The following ZNF827 variants were observed in gnomAD, a reference collection of about 807,000 sequenced individuals.
ZNF827 encodes the protein zinc finger protein 827.
In ZNF827, 13 loss-of-function variants were observed where a neutral mutation model predicts 102.4. The observed-to-expected ratio is 0.13, with a 90% CI of 0.08 to 0.20. The LOEUF is 0.20. Ranked by LOEUF, ZNF827 falls within the 10% of genes least tolerant of loss-of-function variation. The pLI is 1.00. For missense variants in ZNF827, 1,103 were observed against 1,344.4 expected (o/e 0.82, Z 2.81); for synonymous variants, 523 against 536.2 (o/e 0.98, Z 0.34).
chr4:145,916,588 G>C (rs754272550), intron 1 of ZNF827, among the ~76,000 whole-genome samples: 1 of 152,104 alleles, frequency 6.6e-6, no homozygotes, highest in African/African-American at 2.4e-5. Flanking sequence ...TTCTATCCAT[G>C]TTAATCCCCT....
At chr4:145,783,076 A>G (rs1259007587) in intron 8 of ZNF827, among the ~76,000 whole-genome samples, 5 of 79,892 alleles carry the variant, frequency 6.3e-5, no homozygotes, top group Non-Finnish European at 1.4e-4. Context: ...TATAAGCCAT[A>G]TATATATATA....
At position 145,843,309 on chromosome 4, in the gene ZNF827, C is replaced by T. The variant is rs17020689; in HGVS notation, c.2279+2647G>A. 3.9e-3 allele frequency among the ~76,000 whole-genome samples: 588 copies of T among 151,968 alleles called. 5 individuals are homozygous for T. Among genetic ancestry groups the T allele is most frequent in the Non-Finnish European group, 3.9e-3 (266 of 67,986 alleles). ...CTGATTTCTAAACACCATATCATGC[C>T]GGGAGCTCACAGGAAGAACCTCTTC... is the stretch of plus-strand genomic sequence containing the variant. On this transcript the variant is annotated intron_variant, in intron 7 of 14. Transcript: ENST00000508784.
chr4:145,768,853 C>A (rs1164568068), intron 11 of ZNF827, among the ~76,000 whole-genome samples: 3 of 39,584 alleles, frequency 7.6e-5, no homozygotes, highest in Admixed American at 3.9e-4. Flanking sequence ...AGCAAGACTC[C>A]GTCTCAAAAA....
chr4:145,887,631 G>A (rs1208131043), intron 3 of ZNF827, among the ~76,000 whole-genome samples: 1 of 152,130 alleles, frequency 6.6e-6, no homozygotes, highest in Non-Finnish European at 1.5e-5. Flanking sequence ...GCTGGGGGTG[G>A]GGAAACACAC....
At chr4:145,936,597 C>G (rs1030411653) in intron 1 of ZNF827, among the ~76,000 whole-genome samples, 1 of 152,268 alleles carries the variant, frequency 6.6e-6, no homozygotes, top group East Asian at 1.9e-4. Flanking sequence ...CCGGGTGACA[C>G]GGAGGCGCGG....
rs982673817 is a variant in ZNF827, at chr4:145,763,820, T to A, written c.3231-698A>T. On this transcript the variant is annotated intron_variant, in intron 13 of 14. Coordinates refer to ENST00000508784, the MANE Select transcript of ZNF827 (RefSeq NM_001306215.2). This position sits in a 1 kb window ranked among gnomAD's most constrained non-coding sequence, Gnocchi z 4.6. Reference sequence around the variant, plus strand: ...TTTCCCATCTACTGGTTTCCTTGAATTATAATCACCCCCTCCCCAATCCCT... The same window carrying A: ...TTTCCCATCTACTGGTTTCCTTGAAATATAATCACCCCCTCCCCAATCCCT... Among the ~76,000 whole-genome samples the A allele has an allele frequency of 6.6e-5, 10 of 152,212 alleles. No homozygotes were observed. Among genetic ancestry groups the A allele is most frequent in the Non-Finnish European group, 1.5e-4 (10 of 68,036 alleles).
intron 6 of ZNF827, among the ~76,000 whole-genome samples, chr4:145,847,853 A>G (rs562157996): frequency 9.2e-5 from 14 of 152,358 alleles, no homozygotes; most frequent in African/African-American, 3.1e-4. Flanking sequence ...TTGTACTGCT[A>G]GTCTGAAGCC....
At chr4:145,905,216 T>C (rs954154488) in intron 1 of ZNF827, among the ~76,000 whole-genome samples, 2 of 152,256 alleles carry the variant, frequency 1.3e-5, no homozygotes, top group African/African-American at 4.8e-5. Flanking sequence ...GTTCAATGTA[T>C]GTGTAGGGAT....
At chr4:145,854,550 T>C (rs1008553973) in intron 5 of ZNF827, among the ~76,000 whole-genome samples, 1 of 152,082 alleles carries the variant, frequency 6.6e-6, no homozygotes, top group Non-Finnish European at 1.5e-5. Flanking sequence ...CTTGGGTTCT[T>C]CCACCTGCAC....
At chr4:145,780,970 G>A (rs759284437) in intron 8 of ZNF827, among the ~76,000 whole-genome samples, 3 of 152,166 alleles carry the variant, frequency 2.0e-5, no homozygotes, top group African/African-American at 4.8e-5. Flanking sequence ...GCCGAGGCAG[G>A]GGGATCACAA....
chr4:145,858,679 A>T (rs1467796442), intron 5 of ZNF827, among the ~76,000 whole-genome samples: 1 of 151,674 alleles, frequency 6.6e-6, no homozygotes, highest in Non-Finnish European at 1.5e-5. Context: ...GAAAAAATAT[A>T]TAACTCCTGA....
chr4:145,843,195 C>G (rs1258698839), intron 7 of ZNF827, among the ~76,000 whole-genome samples: 1 of 147,284 alleles, frequency 6.8e-6, no homozygotes, highest in Non-Finnish European at 1.5e-5. Context: ...TATGGATAGG[C>G]TAATCAAGTA....
chr4:145,925,607 A>C, intron 1 of ZNF827, among the ~76,000 whole-genome samples: 1 of 152,134 alleles, frequency 6.6e-6, no homozygotes, highest in East Asian at 1.9e-4. Flanking sequence ...GGGGGTTACA[A>C]CTCTTAGCCA....
At position 145,761,264 on chromosome 4, in the gene ZNF827, T is replaced by A; in HGVS notation, c.*352A>T. The stretch of plus-strand genomic sequence containing the variant: ...GTCTTGAACAGGCACTCTTCGCAGC[T>A]GAAGGTCTGGCGTGGGGCGTGCTTC... On this transcript the variant is annotated 3_prime_UTR_variant, in exon 15 of 15. Transcript: ENST00000508784. The surrounding 1 kb of genome is among the most constrained non-coding windows in gnomAD (Gnocchi z 6.8). 1 of 1,289,906 alleles carries A rather than the reference T, an allele frequency of 7.8e-7. No individual in the cohort carries two copies. Among genetic ancestry groups the A allele is most frequent in the African/African-American group, 1.5e-5 (1 of 66,004 alleles). The allele number at this position is 1,289,906 out of a possible 1,614,324, so 79.9% of individuals were successfully genotyped here.
chr4:145,778,618 A>G (rs1325445440), intron 9 of ZNF827, among the ~76,000 whole-genome samples: 1 of 152,056 alleles, frequency 6.6e-6, no homozygotes, highest in Admixed American at 6.5e-5. Context: ...TCTTGGGGGA[A>G]AAAAAAGACA....
chr4:145,929,525 G>C (rs1753656603), intron 1 of ZNF827, among the ~76,000 whole-genome samples: 3 of 152,090 alleles, frequency 2.0e-5, no homozygotes, highest in Admixed American at 2.0e-4. Flanking sequence ...CATTCCTGTA[G>C]TAAAAGCCTA....
intron 5 of ZNF827, among the ~76,000 whole-genome samples, chr4:145,862,788 A>G (rs1235127838): frequency 2.0e-5 from 3 of 152,222 alleles, no homozygotes; most frequent in Non-Finnish European, 2.9e-5. Flanking sequence ...TGAATATGAG[A>G]CAGACTTTCC....
At chr4:145,800,835 A>T (rs2127103468) in intron 8 of ZNF827, among the ~76,000 whole-genome samples, 1 of 152,272 alleles carries the variant, frequency 6.6e-6, no homozygotes, top group South Asian at 2.1e-4. Flanking sequence ...TTGGGGGCAA[A>T]ATACCTCCCA....
At chr4:145,772,355 G>A (rs1736421179) in intron 11 of ZNF827, among the ~76,000 whole-genome samples, 1 of 152,070 alleles carries the variant, frequency 6.6e-6, no homozygotes, top group African/African-American at 2.4e-5. Context: ...CCCTAACTTT[G>A]CAATAGTCCA....
Sources: allele counts gnomAD v4.1 joint callset (sites outside exome capture counted in the v4.1 genomes callset), GRCh38; gene constraint gnomAD v4.1.1; non-coding constraint Gnocchi (gnomAD v3.1); transcripts MANE v1.5; gene names NCBI Gene and HGNC (gene_info 2026-07-23, HGNC 2026-07-21).